BICC1: variants seen among roughly 807,000 people sequenced by gnomAD.
BICC1 encodes the protein protein bicaudal C homolog 1.
A neutral mutation model predicts 111.0 loss-of-function variants in BICC1; 43 were observed. That is an observed-to-expected ratio of 0.39 (90% CI 0.30 to 0.50). The LOEUF (loss-of-function observed/expected upper bound fraction) is 0.50, where lower values mean the gene tolerates loss of function less well. Among genes scored for constraint, BICC1 ranks in the 20% least tolerant of loss-of-function variants. The probability of loss-of-function intolerance (pLI) is 0.88; values close to 1 mark genes in which losing one functional copy is unlikely to be tolerated. For synonymous variants in BICC1, 467 were observed against 434.4 expected, an observed-to-expected ratio of 1.07 and a Z score of -0.93; for missense variants, 1,091 against 1,203.2, an observed-to-expected ratio of 0.91 and a Z score of 1.38.
intron 1 of BICC1, among the ~76,000 whole-genome samples, chr10:58,600,402 A>T (rs996881058): frequency 1.3e-5 from 2 of 152,222 alleles, no homozygotes; most frequent in African/African-American, 4.8e-5. Flanking sequence ...TGTCTCTAAG[A>T]CAGAGCTATG....
At chr10:58,673,067 C>T (rs925866950) in intron 2 of BICC1, among the ~76,000 whole-genome samples, 1 of 152,162 alleles carries the variant, frequency 6.6e-6, no homozygotes, top group Admixed American at 6.5e-5. Context: ...TCTAGCTCTC[C>T]CTTGTGACAT....
At chr10:58,699,753 A>G (rs1300853242) in intron 2 of BICC1, among the ~76,000 whole-genome samples, 1 of 151,738 alleles carries the variant, frequency 6.6e-6, no homozygotes, top group South Asian at 2.1e-4. Context: ...GGAATGTGGT[A>G]GCATGATCAT....
At chr10:58,811,212 G>A (rs1843892708) in intron 17 of BICC1, among the ~76,000 whole-genome samples, 1 of 152,110 alleles carries the variant, frequency 6.6e-6, no homozygotes, top group Admixed American at 6.6e-5. Flanking sequence ...TGCAGTAACT[G>A]TGTCACATCA....
Position 58,788,376 on chromosome 10 carries a change from A to G in BICC1, c.553A>G (p.Ile185Val), listed in dbSNP as rs375917847. Residue 185 changes from isoleucine (I) to valine (V), a missense_variant, in exon 6 of 21, where the codon ATA becomes GTA. Physicochemically the swap from Ile to Val is conservative, Grantham distance 29. This residue lies in a region of BICC1 where 843 missense variants were observed against 900.8 expected (regional missense o/e 0.94). Transcript: ENST00000373886. Reference protein sequence around the residue: ...NQAEKSNQVSIAGQPAGVESA... With the variant: ...NQAEKSNQVSVAGQPAGVESA... The stretch of plus-strand genomic sequence containing the variant: ...TATTTTCCTCCTCTTATAGGTATCT[A>G]TAGCGGGACAACCAGCAGGAGTAGA... 329 of 1,609,246 alleles carry G rather than the reference A, an allele frequency of 2.0e-4. No homozygotes were observed. In the East Asian group the frequency reaches 6.7e-3, roughly 33 times the overall value.
intron 2 of BICC1, among the ~76,000 whole-genome samples, chr10:58,635,137 C>A (rs2132188659): frequency 6.6e-6 from 1 of 152,120 alleles, no homozygotes; most frequent in Non-Finnish European, 1.5e-5. Flanking sequence ...TGTTCAGTTT[C>A]ATTCTCTTAG....
chr10:58,790,972 C>T (rs1843158349), intron 8 of BICC1, among the ~76,000 whole-genome samples: 1 of 152,184 alleles, frequency 6.6e-6, no homozygotes, highest in Admixed American at 6.5e-5. Flanking sequence ...CAGTAAGCCT[C>T]AGGTGTGACA....
chr10:58,743,464 G>A lies in BICC1; in HGVS notation c.307+41321G>A, dbSNP rs1308446835. On this transcript the variant is annotated intron_variant, in intron 3 of 20. Transcript: ENST00000373886. ...TTTATTTCTCTACCACCATTTGCTG[G>A]GATTTTTTTTTTTTTTTGGATATTT... 5.9e-5 allele frequency among the ~76,000 whole-genome samples: 4 copies of A among 67,772 alleles called. No individual in the cohort carries two copies. In the Admixed American group the frequency reaches 8.4e-4, roughly 14 times the overall value. The allele number at this position is 67,772 out of a possible 152,430, so 44.5% of individuals were successfully genotyped here.
intron 1 of BICC1, among the ~76,000 whole-genome samples, chr10:58,554,160 A>G (rs1273935593): frequency 6.6e-6 from 1 of 152,166 alleles, no homozygotes; most frequent in Non-Finnish European, 1.5e-5. Context: ...GATTGAATTC[A>G]TACCTGTTAA....
intron 3 of BICC1, among the ~76,000 whole-genome samples, chr10:58,753,714 TTCTC>T (rs1233230168): frequency 6.6e-6 from 1 of 151,878 alleles, no homozygotes; most frequent in African/African-American, 2.4e-5. Flanking sequence ...ACAGTCTCTT[TTCTC>T]TCTTTCTTTT....
chr10:58,743,611 T>G (rs1371749000), intron 3 of BICC1, among the ~76,000 whole-genome samples: 1 of 151,996 alleles, frequency 6.6e-6, no homozygotes, highest in East Asian at 1.9e-4. Context: ...ACATCTCAGT[T>G]ATGGTCTTAT....
At position 58,795,648 on chromosome 10, in the gene BICC1, C is replaced by CA. The variant is rs201281811; in HGVS notation, c.1180-690dup. On this transcript the variant is annotated intron_variant, in intron 9 of 20. Transcript: ENST00000373886. ...ACTGCTTTAACTGCTTTCTCAGCCA[C>CA]AATTTTTTTTTTTTTTGGTCCATTG... 5.5e-3 allele frequency among the ~76,000 whole-genome samples: 833 copies of CA among 150,342 alleles called. 12 individuals are homozygous for CA. Among genetic ancestry groups the CA allele is most frequent in the African/African-American group, 0.019 (783 of 40,266 alleles).
At chr10:58,673,786 C>CTTT (rs5785337) in intron 2 of BICC1, among the ~76,000 whole-genome samples, 10 of 138,264 alleles carry the variant, frequency 7.2e-5, no homozygotes, top group Admixed American at 1.5e-4. Context: ...CCACGCCCAG[C>CTTT]TTTTTTTTTT....
At chr10:58,767,487 T>C (rs1005814264) in intron 3 of BICC1, among the ~76,000 whole-genome samples, 5 of 152,078 alleles carry the variant, frequency 3.3e-5, no homozygotes, top group African/African-American at 1.2e-4. Flanking sequence ...CTACTTCAGA[T>C]GTGAAAACAG....
intron 1 of BICC1, among the ~76,000 whole-genome samples, chr10:58,531,269 C>G (rs1842674817): frequency 6.6e-6 from 1 of 151,750 alleles, no homozygotes; most frequent in African/African-American, 2.4e-5. Context: ...ACCAAAATAC[C>G]CGTAGTACTG....
chr10:58,780,405 C>T (rs549955523), intron 3 of BICC1, among the ~76,000 whole-genome samples: 2 of 152,212 alleles, frequency 1.3e-5, no homozygotes, highest in Admixed American at 1.3e-4. Context: ...AATGTACATG[C>T]CGAGGGTGGA....
chr10:58,526,902 C>A (rs2131842126), intron 1 of BICC1, among the ~76,000 whole-genome samples: 1 of 152,276 alleles, frequency 6.6e-6, no homozygotes, highest in African/African-American at 2.4e-5. Flanking sequence ...GTGCATGTAT[C>A]TTTATAGCAG....
chr10:58,744,383 G>A (rs1841765002), intron 3 of BICC1, among the ~76,000 whole-genome samples: 1 of 151,582 alleles, frequency 6.6e-6, no homozygotes, highest in Non-Finnish European at 1.5e-5. Flanking sequence ...AAATTTTATT[G>A]TTAAGCTAAT....
At chr10:58,569,305 G>A (rs1843868950) in intron 1 of BICC1, among the ~76,000 whole-genome samples, 1 of 152,078 alleles carries the variant, frequency 6.6e-6, no homozygotes, top group South Asian at 2.1e-4. Context: ...ATTATACAGT[G>A]TTGCATTTTT....
At position 58,820,428 on chromosome 10, in the gene BICC1, T is replaced by C; in HGVS notation, c.2754T>C (p.Thr918=). ...TDQDLKELGI[T]TFGARRKMLL... is the part of the protein sequence containing the mutation. ...AGGATCTGAAGGAGCTGGGAATAAC[T>C]ACTTTTGGTGCCAGGAGGAAAATGC... Residue 918 remains threonine, a synonymous_variant, in exon 20 of 21, where the codon ACT becomes ACC. Coordinates refer to ENST00000373886, the MANE Select transcript of BICC1 (RefSeq NM_001080512.3). 6.2e-7 allele frequency: 1 copy of C among 1,612,014 alleles called. No individual in the cohort carries two copies.
Sources: gnomAD v4.1 joint callset for allele counts (sites outside exome capture counted in the v4.1 genomes callset) on GRCh38, gnomAD v4.1.1 for gene constraint, gnomAD v4.1.1 regional missense constraint, MANE v1.5 for transcripts, NCBI Gene and HGNC (gene_info 2026-07-23, HGNC 2026-07-21) for gene names.